The following FREM2 variants were observed in gnomAD, a reference collection of about 807,000 sequenced individuals.
FREM2 encodes the protein FRAS1-related extracellular matrix protein 2.
FREM2 carries 119 observed loss-of-function variants against 219.9 expected under a neutral mutation model. The observed-to-expected ratio is 0.54, with a 90% CI of 0.47 to 0.63. FREM2 has a LOEUF of 0.63. Among genes scored for constraint, FREM2 ranks in the 30% least tolerant of loss-of-function variants. The pLI is 0.00. For synonymous variants in FREM2, 1,562 were observed against 1,522.8 expected (o/e 1.03, Z -0.60); for missense variants, 4,030 against 3,993.6 (o/e 1.01, Z -0.25).
intron 20 of FREM2, 117 bp downstream of exon 20, chr13:38,876,499 GA>G: frequency 1.1e-6 from 1 of 891,888 alleles, no homozygotes; most frequent in Non-Finnish European, 1.8e-6. Flanking sequence ...ATGCTGAAAA[GA>G]AAAGAAATCA....
At chr13:38,739,457 A>G (rs1240178876) in intron 2 of FREM2, among the ~76,000 whole-genome samples, 2 of 152,144 alleles carry the variant, frequency 1.3e-5, no homozygotes, top group Non-Finnish European at 2.9e-5. Context: ...TCAGCATAGC[A>G]TTCTCAGCAT....
chr13:38,749,988 T>G (rs1461127132), intron 2 of FREM2, among the ~76,000 whole-genome samples: 4 of 152,188 alleles, frequency 2.6e-5, no homozygotes, highest in African/African-American at 9.6e-5. Flanking sequence ...TTTGTCACAC[T>G]GATCCTCATT....
At chr13:38,748,506 G>C (rs1380384667) in intron 2 of FREM2, among the ~76,000 whole-genome samples, 1 of 152,150 alleles carries the variant, frequency 6.6e-6, no homozygotes, top group African/African-American at 2.4e-5. Context: ...TGTACTCAAA[G>C]GCAACTTGTC....
chr13:38,874,414 G>A, intron 17 of FREM2, 68 bp from the exon 18 acceptor site: 1 of 1,255,332 alleles, frequency 8.0e-7, no homozygotes, highest in South Asian at 1.2e-5. Flanking sequence ...TTAATTTTTG[G>A]AAGGAATCTG....
At chr13:38,865,905 C>T (rs1877945425) in intron 16 of FREM2, among the ~76,000 whole-genome samples, 1 of 152,134 alleles carries the variant, frequency 6.6e-6, no homozygotes, top group Non-Finnish European at 1.5e-5. Context: ...CTGTAGATTC[C>T]TCTTTCCTAA....
In FREM2 at chr13:38,688,230, C is replaced by G; in HGVS notation, c.886C>G (p.Pro296Ala). Residue 296 changes from proline (P) to alanine (A), a missense_variant, in exon 1 of 24, where the codon CCT becomes GCT. Pro to Ala is a conservative substitution (Grantham distance 27, BLOSUM62 -1). Around this residue, in one of 2 missense-constraint regions of FREM2, gnomAD observed 3,102 missense variants for 2,950.7 expected, o/e 1.05. Coordinates refer to ENST00000280481, the MANE Select transcript of FREM2 (RefSeq NM_207361.6). ...LRSRGAPVGS[P>A]ALKREHFQVL... ...TTCACGAGGGGCTCCTGTGGGCAGC[C>G]CTGCTTTGAAACGCGAGCACTTCCA... The G allele has an allele frequency of 2.5e-6, 4 of 1,613,688 alleles. No individual in the cohort carries two copies. The highest frequency in any genetic ancestry group is 3.4e-6 in the Non-Finnish European group (4 of 1,179,900).
intron 2 of FREM2, among the ~76,000 whole-genome samples, chr13:38,730,930 G>GTT (rs11368804): frequency 1.6e-3 from 242 of 148,608 alleles, no homozygotes; most frequent in Middle Eastern, 3.5e-3. Flanking sequence ...TTTTCTGTAA[G>GTT]TTTTTTTTTT....
intron 2 of FREM2, among the ~76,000 whole-genome samples, chr13:38,725,429 G>A (rs1173158263): frequency 6.6e-6 from 1 of 152,182 alleles, no homozygotes; most frequent in Non-Finnish European, 1.5e-5. Context: ...TGTAGAGGAG[G>A]CTTAACCTAT....
rs752032044 is a variant in FREM2 at position 38,848,638 on chromosome 13, CCA to C, written c.6350_6351del (p.Thr2117SerfsTer5). On this transcript the variant is annotated frameshift_variant, in exon 8 of 24. Coordinates refer to ENST00000280481, the MANE Select transcript of FREM2 (RefSeq NM_207361.6). LOFTEE classifies it high-confidence loss of function. ...GCAGCCCTTGGCGAGCCCAGCAAAG[CCA>C]CAGTGTCCATAAATGACTCTGTCTC... The C allele has an allele frequency of 1.2e-6, 2 of 1,613,770 alleles. No homozygotes were observed. The highest frequency in any genetic ancestry group is 1.7e-6 in the Non-Finnish European group (2 of 1,179,818).
intron 7 of FREM2, among the ~76,000 whole-genome samples, chr13:38,847,912 G>A (rs1453842495): frequency 6.6e-6 from 1 of 152,080 alleles, no homozygotes; most frequent in Non-Finnish European, 1.5e-5. Context: ...AGATCAAAAA[G>A]TAGAAGCTTC....
intron 6 of FREM2, among the ~76,000 whole-genome samples, chr13:38,806,287 T>A (rs999718423): frequency 4.3e-4 from 65 of 151,900 alleles, no homozygotes; most frequent in African/African-American, 1.5e-3. Flanking sequence ...GAGAATAGTT[T>A]TATAAGGGAG....
chr13:38,720,866 C>T (rs1250630771), intron 2 of FREM2, among the ~76,000 whole-genome samples: 1 of 152,086 alleles, frequency 6.6e-6, no homozygotes, highest in Non-Finnish European at 1.5e-5. Context: ...GAGTTCGGTA[C>T]AACAAGTTCT....
intron 16 of FREM2, among the ~76,000 whole-genome samples, chr13:38,869,982 C>T (rs1878104844): frequency 6.6e-6 from 1 of 152,152 alleles, no homozygotes; most frequent in African/African-American, 2.4e-5. Context: ...GTTCAGTGTG[C>T]ATGAATAAGC....
intron 1 of FREM2, 71 bp downstream of exon 1, chr13:38,692,588 A>G (rs1247849382): frequency 1.3e-6 from 2 of 1,524,906 alleles, no homozygotes; most frequent in African/African-American, 2.7e-5. Flanking sequence ...AGCCTCACAA[A>G]CAGAGCATTA....
In FREM2 at chr13:38,795,979, CT is replaced by C. The variant is rs547962270; in HGVS notation, c.6019+11174del. On this transcript the variant is annotated intron_variant, in intron 6 of 23. Transcript: ENST00000280481. The stretch of plus-strand genomic sequence containing the variant: ...CCTTGTGTGTATACACGATAGTTTT[CT>C]TTCTTTCTTTCTTTCTTTTTTCTTT... Among the ~76,000 whole-genome samples the C allele has an allele frequency of 5.2e-3, 787 of 151,980 alleles. 10 individuals are homozygous for C. Among genetic ancestry groups the C allele is most frequent in the Non-Finnish European group, 8.5e-3 (578 of 67,928 alleles).
At chr13:38,781,187 C>T (rs548279623) in intron 4 of FREM2, among the ~76,000 whole-genome samples, 32 of 152,276 alleles carry the variant, frequency 2.1e-4, no homozygotes, top group African/African-American at 7.2e-4. Flanking sequence ...CACTGGCCTC[C>T]TGGCTATTCC....
chr13:38,771,486 A>G (rs995969369), intron 4 of FREM2, among the ~76,000 whole-genome samples: 2 of 152,172 alleles, frequency 1.3e-5, no homozygotes, highest in Non-Finnish European at 2.9e-5. Flanking sequence ...TTATAAGCTC[A>G]GAGTGACACT....
In FREM2 at chr13:38,710,027, A is replaced by G. The variant is rs1870707142; in HGVS notation, c.5263+12240A>G. 2.1e-5 allele frequency among the ~76,000 whole-genome samples: 3 copies of G among 143,844 alleles called. No individual in the cohort carries two copies. In the South Asian group the frequency reaches 6.3e-4, roughly 30 times the overall value. 94.4% of individuals were successfully genotyped at this position (143,844 alleles called of 152,430 possible). A position where few individuals can be genotyped will look rare whatever the true frequency, so the allele number is the denominator to read the frequency against. On this transcript the variant is annotated intron_variant, in intron 2 of 23. Coordinates refer to ENST00000280481, the MANE Select transcript of FREM2 (RefSeq NM_207361.6). The stretch of plus-strand genomic sequence containing the variant: ...CACACACACACACACACACACACAC[A>G]CACACACACAAATTAGCCGGGCGTG...
intron 6 of FREM2, among the ~76,000 whole-genome samples, chr13:38,791,914 G>C (rs1394823788): frequency 1.3e-5 from 2 of 152,138 alleles, no homozygotes; most frequent in African/African-American, 2.4e-5. Flanking sequence ...CCTCCCTCAT[G>C]TCTTCATCTA....
Sources: allele counts gnomAD v4.1 joint callset (sites outside exome capture counted in the v4.1 genomes callset), GRCh38; gene constraint gnomAD v4.1.1; regional missense constraint gnomAD v4.1.1; transcripts MANE v1.5; gene names NCBI Gene and HGNC (gene_info 2026-07-23, HGNC 2026-07-21).